ATP1A1: variants seen among roughly 807,000 people sequenced by gnomAD.
ATP1A1 encodes the protein ATPase Na+/K+ transporting subunit alpha 1, also known as sodium/potassium-transporting ATPase subunit alpha-1.
In ATP1A1, 14 loss-of-function variants were observed where a neutral mutation model predicts 114.8. That is an observed-to-expected ratio of 0.12 (90% CI 0.08 to 0.19). The LOEUF is 0.19. Among genes scored for constraint, ATP1A1 ranks in the 10% least tolerant of loss-of-function variants. ATP1A1 has a pLI of 1.00. For missense variants in ATP1A1, 524 were observed against 1,290.7 expected (o/e 0.41, Z 9.10); for synonymous variants, 471 against 466.3 (o/e 1.01, Z -0.13).
rs1026118608 is a variant in ATP1A1 at position 116,404,361 on chromosome 1, T to G, written c.3044-55T>G. 4 of 1,610,126 alleles carry G rather than the reference T, an allele frequency of 2.5e-6. No individual in the cohort carries two copies. In the African/African-American group the frequency reaches 5.3e-5, roughly 22 times the overall value. The stretch of plus-strand genomic sequence containing the variant: ...TCATCCCTGTTTCCCTCTGTAATGC[T>G]GGAGCGAGGAAGACTCACTGTAGTG... On this transcript the variant is annotated intron_variant, in intron 22 of 22. Transcript: ENST00000295598. The surrounding 1 kb of genome is among the most constrained non-coding windows in gnomAD (Gnocchi z 4.8).
At position 116,395,878 on chromosome 1, in the gene ATP1A1, A is replaced by C. The variant is rs936789652; in HGVS notation, c.1836+593A>C. ...GCAATTCTCCTGCCCCAGCCTCCCA[A>C]GTAGCTGGAATTACAGGCACCCGCT... On this transcript the variant is annotated intron_variant, in intron 13 of 22. Coordinates refer to ENST00000295598, the MANE Select transcript of ATP1A1 (RefSeq NM_000701.8). The surrounding 1 kb of genome is among the most constrained non-coding windows in gnomAD (Gnocchi z 6.4). 1.3e-5 allele frequency among the ~76,000 whole-genome samples: 2 copies of C among 152,072 alleles called. No individual in the cohort carries two copies. The highest frequency in any genetic ancestry group is 4.8e-5 in the African/African-American group (2 of 41,400).
Position 116,400,868 on chromosome 1 carries a change from C to G in ATP1A1, c.2580C>G (p.Ile860Met). 1 of 1,614,186 alleles carries G rather than the reference C, an allele frequency of 6.2e-7. No homozygotes were observed. The highest frequency in any genetic ancestry group is 8.5e-7 in the Non-Finnish European group (1 of 1,180,034). Residue 860 changes from isoleucine to methionine, a missense_variant, in exon 19 of 23, where the codon ATC (isoleucine) becomes ATG (methionine). Ile to Met is a conservative substitution (Grantham distance 10, BLOSUM62 1). Coordinates refer to ENST00000295598, the MANE Select transcript of ATP1A1 (RefSeq NM_000701.8). ...GTTGTTTTCCCAACTTAGGAATGATCCAGGCCCTGGGAGGCTTCTTTACTT... is the reference window on the plus strand; with the variant it reads ...GTTGTTTTCCCAACTTAGGAATGATGCAGGCCCTGGGAGGCTTCTTTACTT... ...ISMAYGQIGM[I>M]QALGGFFTYF...
In ATP1A1 at chr1:116,398,873, TCA is replaced by T. The variant is rs1312655124; in HGVS notation, c.2294-56_2294-55del. The T allele has an allele frequency of 1.2e-6, 2 of 1,611,388 alleles. No homozygotes were observed. The highest frequency in any genetic ancestry group is 1.7e-6 in the Non-Finnish European group (2 of 1,177,978). ...ATTTCTGTATACTTCTTGGATATGT[TCA>T]GTTTCCAGTGTGCTTGTCTCATAAG... On this transcript the variant is annotated intron_variant, in intron 16 of 22. Transcript: ENST00000295598. This position sits in a 1 kb window ranked among gnomAD's most constrained non-coding sequence, Gnocchi z 6.1.
Position 116,384,845 on chromosome 1 carries a change from A to G in ATP1A1, c.183+3A>G, listed in dbSNP as rs775571228. On this transcript the variant is annotated splice_donor_region_variant and intron_variant, in intron 3 of 22. Coordinates refer to ENST00000295598, the MANE Select transcript of ATP1A1 (RefSeq NM_000701.8). The surrounding 1 kb of genome is among the most constrained non-coding windows in gnomAD (Gnocchi z 5.1). ...AATATGGAACAGACTTGAGCCGGGTATGTTCTAGTTTGAAAGCTGTTGTAC... is the reference window on the plus strand; with the variant it reads ...AATATGGAACAGACTTGAGCCGGGTGTGTTCTAGTTTGAAAGCTGTTGTAC... The G allele has an allele frequency of 9.9e-6, 16 of 1,613,396 alleles. No homozygotes were observed. The highest frequency in any genetic ancestry group is 8.3e-5 in the Admixed American group (5 of 59,964).
chr1:116,375,520 T>A (rs1445860823), intron 1 of ATP1A1, among the ~76,000 whole-genome samples: 1 of 152,240 alleles, frequency 6.6e-6, no homozygotes, highest in South Asian at 2.1e-4. Context: ...AACCCAGATG[T>A]CTTACAACAA....
Position 116,388,368 on chromosome 1 carries a change from C to T in ATP1A1, c.501+124C>T. On this transcript the variant is annotated intron_variant, in intron 5 of 22. Transcript: ENST00000295598. This position sits in a 1 kb window ranked among gnomAD's most constrained non-coding sequence, Gnocchi z 5.6. ...GACTCATCAGAGAGATGGATGTCTT[C>T]TACCCCACCCAAAACCAACCTATTT... 1.0e-6 allele frequency: 1 copy of T among 1,001,690 alleles called. No individual in the cohort carries two copies. Among genetic ancestry groups the T allele is most frequent in the Non-Finnish European group, 1.5e-6 (1 of 677,934 alleles). 62.1% of individuals were successfully genotyped at this position (1,001,690 alleles called of 1,614,324 possible).
intron 1 of ATP1A1, among the ~76,000 whole-genome samples, chr1:116,375,338 C>T (rs551672548): frequency 6.6e-6 from 1 of 152,252 alleles, no homozygotes; most frequent in East Asian, 1.9e-4. Context: ...ATACAGAACT[C>T]AGAACTTCGG....
At chr1:116,375,083 T>A (rs1050902027) in intron 1 of ATP1A1, among the ~76,000 whole-genome samples, 4 of 152,232 alleles carry the variant, frequency 2.6e-5, no homozygotes, top group African/African-American at 9.6e-5. Context: ...TGATCATTTC[T>A]GTAAACATGC....
At chr1:116,391,294 C>T (rs1450775529) in intron 10 of ATP1A1, among the ~76,000 whole-genome samples, 1 of 152,194 alleles carries the variant, frequency 6.6e-6, no homozygotes. Flanking sequence ...TATTAGGATA[C>T]AGTAGATTCC....
At chr1:116,378,568 G>T in intron 1 of ATP1A1, among the ~76,000 whole-genome samples, 1 of 152,152 alleles carries the variant, frequency 6.6e-6, no homozygotes, top group East Asian at 1.9e-4. Flanking sequence ...CCATGTAGGG[G>T]CAGGTCCCTA....
intron 1 of ATP1A1, among the ~76,000 whole-genome samples, chr1:116,378,050 TAGAG>T (rs553446049): frequency 1.2e-4 from 19 of 152,344 alleles, no homozygotes; most frequent in South Asian, 1.2e-3. Flanking sequence ...GCTGGAGTCA[TAGAG>T]AGACTGTTCT....
In ATP1A1 at chr1:116,401,873, G is replaced by A. The variant is rs1328245415; in HGVS notation, c.2951+218G>A. ...AGCTAGTGTTTAGGATTTGGCCCAA[G>A]ATAAGATAAAGCCACACAGGCTCTA... On this transcript the variant is annotated intron_variant, in intron 21 of 22. Transcript: ENST00000295598. This position sits in a 1 kb window ranked among gnomAD's most constrained non-coding sequence, Gnocchi z 4.7. 5 of 589,748 alleles carry A rather than the reference G, an allele frequency of 8.5e-6. No homozygotes were observed. The highest frequency in any genetic ancestry group is 1.5e-5 in the Non-Finnish European group (5 of 334,114). The allele number at this position is 589,748 out of a possible 1,614,324, so 36.5% of individuals were successfully genotyped here.
chr1:116,397,839 G>A lies in ATP1A1; in HGVS notation c.1974-49G>A, dbSNP rs560327937. ...TCCCCTCTTGAGGTGATGGACACAT[G>A]CTGGTGATGTGATGCGTGACTTTTT... On this transcript the variant is annotated intron_variant, in intron 14 of 22. Coordinates refer to ENST00000295598, the MANE Select transcript of ATP1A1 (RefSeq NM_000701.8). The surrounding 1 kb of genome is among the most constrained non-coding windows in gnomAD (Gnocchi z 4.2). 1 of 1,585,170 alleles carries A rather than the reference G, an allele frequency of 6.3e-7. No homozygotes were observed. The highest frequency in any genetic ancestry group is 1.4e-5 in the African/African-American group (1 of 73,630).
Position 116,373,965 on chromosome 1 carries a change from C to T in ATP1A1, c.12+442C>T. The T allele has an allele frequency of 2.9e-6, 4 of 1,366,240 alleles. No individual in the cohort carries two copies. In the South Asian group the frequency reaches 5.2e-5, roughly 18 times the overall value. 84.6% of individuals were successfully genotyped at this position (1,366,240 alleles called of 1,614,324 possible). A position where few individuals can be genotyped will look rare whatever the true frequency, so the allele number is the denominator to read the frequency against. ...CCTTCTCCTTCCTTTTCCCTCCGCC[C>T]TCCGTGCCCTGAGGAAAGGCGCGCT... On this transcript the variant is annotated intron_variant, in intron 1 of 22. Coordinates refer to ENST00000295598, the MANE Select transcript of ATP1A1 (RefSeq NM_000701.8).
rs1570964105 is a variant in ATP1A1, at chr1:116,393,390, T to G, written c.1468-141T>G. 4 of 884,688 alleles carry G rather than the reference T, an allele frequency of 4.5e-6. No individual in the cohort carries two copies. The highest frequency in any genetic ancestry group is 5.2e-4 in the Middle Eastern group (2 of 3,834). The allele number at this position is 884,688 out of a possible 1,614,324, so 54.8% of individuals were successfully genotyped here. A position where few individuals can be genotyped will look rare whatever the true frequency, so the allele number is the denominator to read the frequency against. On this transcript the variant is annotated intron_variant, in intron 11 of 22. Coordinates refer to ENST00000295598, the MANE Select transcript of ATP1A1 (RefSeq NM_000701.8). This position sits in a 1 kb window ranked among gnomAD's most constrained non-coding sequence, Gnocchi z 5.0. ...TGTAGCATTCAAAGTATGTTACAGG[T>G]GTAAGATACTTCAGAGTTCAGAAAG... is the stretch of plus-strand genomic sequence containing the variant.
At chr1:116,374,750 C>T (rs962339443) in intron 1 of ATP1A1, among the ~76,000 whole-genome samples, 3 of 152,212 alleles carry the variant, frequency 2.0e-5, no homozygotes, top group Admixed American at 6.5e-5. Context: ...ACTTCGTTGT[C>T]TCCAGGGTTT....
chr1:116,376,781 C>G (rs1453988699), intron 1 of ATP1A1, among the ~76,000 whole-genome samples: 2 of 150,872 alleles, frequency 1.3e-5, no homozygotes, highest in African/African-American at 4.9e-5. Flanking sequence ...AAAAACAAAC[C>G]AAAACAAAAA....
Position 116,401,589 on chromosome 1 carries a change from C to T in ATP1A1, c.2885C>T (p.Thr962Ile). ...KILIFGLFEETALAAFLSYCP... is the reference protein window; with the variant it reads ...KILIFGLFEEIALAAFLSYCP... Reference sequence around the variant, plus strand: ...TTGATATTTGGCCTCTTTGAAGAGACAGCCCTGGCTGCTTTCCTTTCCTAC... The same window carrying T: ...TTGATATTTGGCCTCTTTGAAGAGATAGCCCTGGCTGCTTTCCTTTCCTAC... The change falls in exon 21 of 23, where the codon ACA becomes ATA. Residue 962 changes from threonine to isoleucine, a missense_variant. Thr to Ile is a moderately conservative substitution (Grantham distance 89). Transcript: ENST00000295598. The surrounding 1 kb of genome is among the most constrained non-coding windows in gnomAD (Gnocchi z 4.7). 2 of 1,614,222 alleles carry T rather than the reference C, an allele frequency of 1.2e-6. No individual in the cohort carries two copies. Among genetic ancestry groups the T allele is most frequent in the Non-Finnish European group, 1.7e-6 (2 of 1,180,038 alleles).
In ATP1A1 at chr1:116,399,010, ATATT is replaced by A. The variant is rs1653170103; in HGVS notation, c.2379_2382del (p.Phe793LeufsTer39). The A allele has an allele frequency of 6.2e-7, 1 of 1,614,142 alleles. No homozygotes were observed. ...CATTCCCGAGATCACCCCGTTCCTGATATTTATTATTGCAAACATTCCACTACCA... is the reference window on the plus strand; with the variant it reads ...CATTCCCGAGATCACCCCGTTCCTGATATTATTGCAAACATTCCACTACCA... On this transcript the variant is annotated frameshift_variant, in exon 17 of 23. Coordinates refer to ENST00000295598, the MANE Select transcript of ATP1A1 (RefSeq NM_000701.8). LOFTEE classifies it high-confidence loss of function. The surrounding 1 kb of genome is among the most constrained non-coding windows in gnomAD (Gnocchi z 5.0).
Sources: allele counts gnomAD v4.1 joint callset (sites outside exome capture counted in the v4.1 genomes callset), GRCh38; gene constraint gnomAD v4.1.1; non-coding constraint Gnocchi (gnomAD v3.1); transcripts MANE v1.5; gene names NCBI Gene and HGNC (gene_info 2026-07-23, HGNC 2026-07-21).